CCDC91: variants seen among roughly 807,000 people sequenced by gnomAD.
CCDC91 encodes the protein coiled-coil domain containing 91, also known as coiled-coil domain-containing protein 91.
A neutral mutation model predicts 63.2 loss-of-function variants in CCDC91; 48 were observed. The observed-to-expected ratio is 0.76, with a 90% CI of 0.60 to 0.97. CCDC91 has a LOEUF of 0.97. CCDC91 is among the 50% of genes least tolerant of loss of function. The pLI is 0.00. For synonymous variants in CCDC91, 167 were observed against 165.8 expected, an observed-to-expected ratio of 1.01 and a Z score of -0.06; for missense variants, 500 against 494.6, an observed-to-expected ratio of 1.01 and a Z score of -0.10.
At chr12:28,493,754 T>G (rs1952136550) in intron 12 of CCDC91, among the ~76,000 whole-genome samples, 1 of 151,642 alleles carries the variant, frequency 6.6e-6, no homozygotes, top group Admixed American at 6.6e-5. Flanking sequence ...TGAAGGTATC[T>G]CTTATAAAAA....
intron 6 of CCDC91, among the ~76,000 whole-genome samples, chr12:28,356,695 T>C (rs1411986350): frequency 6.6e-6 from 1 of 152,170 alleles, no homozygotes; most frequent in Non-Finnish European, 1.5e-5. Flanking sequence ...GCTAATTATG[T>C]TCTATAGTGG....
chr12:28,452,662 A>G lies in CCDC91; in HGVS notation c.1101+8A>G. 7.3e-7 allele frequency: 1 copy of G among 1,375,782 alleles called. No homozygotes were observed. The highest frequency in any genetic ancestry group is 9.9e-7 in the Non-Finnish European group (1 of 1,012,434). The allele number at this position is 1,375,782 out of a possible 1,614,324, so 85.2% of individuals were successfully genotyped here. ...CAAAGAAAAATAAGTCAGGTTAGTA[A>G]TATTAACTGTTAGTAAATATTTACT... On this transcript the variant is annotated splice_region_variant and intron_variant, in intron 11 of 12. Transcript: ENST00000536442.
At chr12:28,535,272 C>T (rs1942060413) in intron 12 of CCDC91, among the ~76,000 whole-genome samples, 1 of 152,080 alleles carries the variant, frequency 6.6e-6, no homozygotes, top group South Asian at 2.1e-4. Flanking sequence ...TTCATCCGGG[C>T]ATAATGATAT....
At chr12:28,306,703 C>A in intron 4 of CCDC91, 39 bp from the exon 5 acceptor site, 1 of 1,429,334 alleles carries the variant, frequency 7.0e-7, no homozygotes, top group Admixed American at 2.0e-5. Flanking sequence ...ATAGTGTAAA[C>A]TTTCCTCTCT....
chr12:28,504,027 T>C (rs532485247), intron 12 of CCDC91, among the ~76,000 whole-genome samples: 1 of 152,090 alleles, frequency 6.6e-6, no homozygotes, highest in East Asian at 1.9e-4. Context: ...ATGGCACATG[T>C]ATACATATGT....
chr12:28,211,508 A>G (rs948132704), intron 1 of CCDC91, among the ~76,000 whole-genome samples: 3 of 152,176 alleles, frequency 2.0e-5, no homozygotes, highest in African/African-American at 7.2e-5. Context: ...GCTTCTGCAT[A>G]TTAATAGGCA....
At chr12:28,222,832 T>G (rs561753347) in intron 1 of CCDC91, among the ~76,000 whole-genome samples, 1 of 152,326 alleles carries the variant, frequency 6.6e-6, no homozygotes, top group African/African-American at 2.4e-5. Flanking sequence ...ACAACTGCAC[T>G]TGGGTGGCTC....
chr12:28,323,560 A>G (rs935448423), intron 6 of CCDC91, among the ~76,000 whole-genome samples: 3 of 151,882 alleles, frequency 2.0e-5, no homozygotes, highest in Non-Finnish European at 2.9e-5. Context: ...TGATAGGGCT[A>G]TGCTTTCTTT....
intron 12 of CCDC91, among the ~76,000 whole-genome samples, chr12:28,523,466 G>A (rs914323742): frequency 6.6e-6 from 1 of 152,020 alleles, no homozygotes; most frequent in African/African-American, 2.4e-5. Context: ...GCCTATGTGT[G>A]TCTCTGCACA....
At chr12:28,253,107 G>A (rs1158426069) in intron 1 of CCDC91, among the ~76,000 whole-genome samples, 1 of 152,122 alleles carries the variant, frequency 6.6e-6, no homozygotes, top group Admixed American at 6.5e-5. Flanking sequence ...AAAATTAGAA[G>A]CTAATTGGAA....
At chr12:28,526,672 T>C (rs1941291294) in intron 12 of CCDC91, among the ~76,000 whole-genome samples, 1 of 152,154 alleles carries the variant, frequency 6.6e-6, no homozygotes, top group African/African-American at 2.4e-5. Flanking sequence ...TGGGGAACTT[T>C]TCCTCAATTA....
chr12:28,434,078 T>TC (rs1389499560), intron 8 of CCDC91, among the ~76,000 whole-genome samples: 2 of 151,844 alleles, frequency 1.3e-5, no homozygotes, highest in East Asian at 3.9e-4. Flanking sequence ...CCGTATTACT[T>TC]CCAGGAGTTT....
chr12:28,368,564 A>G (rs1286432366), intron 7 of CCDC91, among the ~76,000 whole-genome samples: 2 of 152,032 alleles, frequency 1.3e-5, no homozygotes, highest in Admixed American at 6.6e-5. Context: ...ATCTCTAAAT[A>G]TTATTGTTGA....
chr12:28,269,758 A>ATATTATGT (rs1947612771), intron 3 of CCDC91, among the ~76,000 whole-genome samples: 1 of 152,100 alleles, frequency 6.6e-6, no homozygotes, highest in African/African-American at 2.4e-5. Flanking sequence ...TTGACTTATG[A>ATATTATGT]TATTCCTCTG....
chr12:28,424,551 T>A (rs910400516), intron 8 of CCDC91, among the ~76,000 whole-genome samples: 29 of 152,214 alleles, frequency 1.9e-4, no homozygotes, highest in African/African-American at 7.0e-4. Flanking sequence ...ATTTGTTAAC[T>A]TTTGGAATTA....
intron 11 of CCDC91, among the ~76,000 whole-genome samples, chr12:28,483,521 A>C (rs1307163080): frequency 6.6e-6 from 1 of 152,076 alleles, no homozygotes; most frequent in Non-Finnish European, 1.5e-5. Context: ...CTCTCATTTC[A>C]AATACTAGCA....
intron 7 of CCDC91, among the ~76,000 whole-genome samples, chr12:28,365,830 T>C (rs1191273244): frequency 1.3e-5 from 2 of 152,180 alleles, no homozygotes; most frequent in African/African-American, 4.8e-5. Context: ...CTGTAAATGT[T>C]TACTCAAATA....
chr12:28,533,494 A>G (rs1941908772), intron 12 of CCDC91, among the ~76,000 whole-genome samples: 1 of 152,064 alleles, frequency 6.6e-6, no homozygotes, highest in Non-Finnish European at 1.5e-5. Context: ...GTAATTAATG[A>G]TTAAGTAATT....
intron 4 of CCDC91, 80 bp downstream of exon 4, chr12:28,305,886 C>A: frequency 8.4e-7 from 1 of 1,194,362 alleles, no homozygotes; most frequent in Non-Finnish European, 1.2e-6. Flanking sequence ...TTTTTAATTT[C>A]TTTTTTAGCC....
Sources: allele counts gnomAD v4.1 joint callset (sites outside exome capture counted in the v4.1 genomes callset), GRCh38; gene constraint gnomAD v4.1.1; transcripts MANE v1.5; gene names NCBI Gene and HGNC (gene_info 2026-07-23, HGNC 2026-07-21).